Variants in TBC1D5 observed in about 807,000 individuals in gnomAD.
TBC1D5 encodes the protein TBC1 domain family member 5.
In TBC1D5, 75 loss-of-function variants were observed where a neutral mutation model predicts 100.3. That is an observed-to-expected ratio of 0.75 (90% CI 0.62 to 0.91). The LOEUF (loss-of-function observed/expected upper bound fraction) is 0.91, where lower values mean the gene tolerates loss of function less well. Among genes scored for constraint, TBC1D5 ranks in the 40% least tolerant of loss-of-function variants. TBC1D5 has a pLI of 0.00. For synonymous variants in TBC1D5, 323 were observed against 325.6 expected, an observed-to-expected ratio of 0.99 and a Z score of 0.09; for missense variants, 910 against 942.4, an observed-to-expected ratio of 0.97 and a Z score of 0.45.
chr3:17,219,864 T>G (rs952092104), intron 17 of TBC1D5, among the ~76,000 whole-genome samples: 1 of 152,070 alleles, frequency 6.6e-6, no homozygotes, highest in African/African-American at 2.4e-5. Flanking sequence ...AAAAGTTTAT[T>G]TTGATCATTT....
chr3:17,541,912 T>C (rs2096361578), intron 2 of TBC1D5, among the ~76,000 whole-genome samples: 1 of 152,198 alleles, frequency 6.6e-6, no homozygotes, highest in African/African-American at 2.4e-5. Context: ...CTATGGTTTT[T>C]CCTATATGTA....
chr3:17,418,962 G>C (rs2094147307), intron 4 of TBC1D5, among the ~76,000 whole-genome samples: 1 of 152,188 alleles, frequency 6.6e-6, no homozygotes, highest in Non-Finnish European at 1.5e-5. Context: ...CAGAGGGGCT[G>C]ATTTTTCCTA....
upstream of TBC1D5, among the ~76,000 whole-genome samples, chr3:17,741,922 G>A (rs1427594456): frequency 6.8e-6 from 1 of 146,368 alleles, no homozygotes; most frequent in African/African-American, 2.5e-5. Context: ...CAAAAGTGAA[G>A]TCAAGGCTTC....
chr3:17,440,681 A>G (rs1424745231), intron 3 of TBC1D5, among the ~76,000 whole-genome samples: 6 of 152,018 alleles, frequency 3.9e-5, no homozygotes, highest in Non-Finnish European at 7.4e-5. Context: ...TCACTCTGTC[A>G]CCCAGGCTGG....
intron 13 of TBC1D5, among the ~76,000 whole-genome samples, chr3:17,326,230 G>C (rs764776783): frequency 3.9e-5 from 6 of 152,286 alleles, no homozygotes; most frequent in Non-Finnish European, 7.3e-5. Context: ...GAGCAAAACT[G>C]TGTTCCATCC....
chr3:17,660,958 T>A (rs1342597371), intron 1 of TBC1D5, among the ~76,000 whole-genome samples: 1 of 152,214 alleles, frequency 6.6e-6, no homozygotes, highest in Non-Finnish European at 1.5e-5. Flanking sequence ...TTTAGAAGGC[T>A]AACGTAAGCT....
chr3:17,714,989 G>C (rs1350902148), intron 1 of TBC1D5, among the ~76,000 whole-genome samples: 1 of 152,142 alleles, frequency 6.6e-6, no homozygotes, highest in Non-Finnish European at 1.5e-5. Flanking sequence ...AGACTTAAAT[G>C]TGCAAAGGAA....
chr3:17,502,263 T>C (rs1176760637), intron 3 of TBC1D5, among the ~76,000 whole-genome samples: 1 of 149,874 alleles, frequency 6.7e-6, no homozygotes, highest in Non-Finnish European at 1.5e-5. Flanking sequence ...TGCTGGCGTA[T>C]GGATTCTTCA....
intron 13 of TBC1D5, among the ~76,000 whole-genome samples, chr3:17,322,156 T>C (rs548450426): frequency 8.8e-4 from 134 of 152,360 alleles, no homozygotes; most frequent in African/African-American, 3.1e-3. Flanking sequence ...TAACTATGAA[T>C]TGTTCTAATT....
At chr3:17,423,315 T>C (rs1379175172) in intron 4 of TBC1D5, among the ~76,000 whole-genome samples, 1 of 152,156 alleles carries the variant, frequency 6.6e-6, no homozygotes, top group Non-Finnish European at 1.5e-5. Flanking sequence ...ATGACTGTTT[T>C]ATTTAAAAAA....
Position 17,376,508 on chromosome 3 carries a change from T to G in TBC1D5, c.701+17A>C. ...GGCTAAAAAACAAATGGAGCTCATA[T>G]TAAAAAAAAAACTTGCCTGGGCTGT... is the stretch of plus-strand genomic sequence containing the variant. On this transcript the variant is annotated intron_variant, in intron 10 of 21. Coordinates refer to ENST00000253692, the Ensembl canonical transcript of TBC1D5. The G allele has an allele frequency of 6.3e-7, 1 of 1,582,370 alleles. No homozygotes were observed. Among genetic ancestry groups the G allele is most frequent in the Non-Finnish European group, 8.5e-7 (1 of 1,170,490 alleles).
intron 1 of TBC1D5, among the ~76,000 whole-genome samples, chr3:17,736,348 G>C (rs1401949336): frequency 6.6e-6 from 1 of 152,128 alleles, no homozygotes; most frequent in African/African-American, 2.4e-5. Flanking sequence ...AGGATAAAGA[G>C]ACTTAAATTA....
Position 17,262,638 on chromosome 3 carries a change from C to T in TBC1D5, c.1246-4047G>A, listed in dbSNP as rs1404898685. Reference sequence around the variant, plus strand: ...CTGGGACTACAAGCGCCCGCCACTACGCCCAGCTAATTTTTTGTATTTTTA... The same window carrying T: ...CTGGGACTACAAGCGCCCGCCACTATGCCCAGCTAATTTTTTGTATTTTTA... On this transcript the variant is annotated intron_variant, in intron 15 of 21. Transcript: ENST00000253692. 5.3e-5 allele frequency among the ~76,000 whole-genome samples: 8 copies of T among 151,684 alleles called. 1 individual carries two copies. Among genetic ancestry groups the T allele is most frequent in the Admixed American group, 4.6e-4 (7 of 15,246 alleles).
intron 16 of TBC1D5, among the ~76,000 whole-genome samples, chr3:17,248,653 A>T (rs1022568239): frequency 5.9e-5 from 9 of 152,198 alleles, no homozygotes; most frequent in African/African-American, 1.9e-4. Flanking sequence ...CTCTTGGGTG[A>T]CCAGGTGCAT....
chr3:17,719,519 T>A (rs907040050), intron 1 of TBC1D5, among the ~76,000 whole-genome samples: 2 of 152,182 alleles, frequency 1.3e-5, no homozygotes, highest in African/African-American at 2.4e-5. Flanking sequence ...GACATGATTA[T>A]CCACAAAAAT....
At chr3:17,265,414 C>G (rs2078747042) in intron 15 of TBC1D5, among the ~76,000 whole-genome samples, 1 of 151,822 alleles carries the variant, frequency 6.6e-6, no homozygotes, top group African/African-American at 2.4e-5. Context: ...TGCTAGATTA[C>G]AAAAGGGGAA....
exon 13 of TBC1D5, chr3:17,372,127 C>G: frequency 6.2e-7 from 1 of 1,613,702 alleles, no homozygotes; most frequent in South Asian, 1.1e-5. Context: ...ATGTAAAGCT[C>G]AATATCATGC....
At position 17,620,502 on chromosome 3, in the gene TBC1D5, T is replaced by C. The variant is rs75209767; in HGVS notation, c.-36+3347A>G. 5.6e-4 allele frequency among the ~76,000 whole-genome samples: 85 copies of C among 152,264 alleles called. 2 individuals carry two copies. The East Asian group carries it at 0.013, about 24-fold the overall frequency. ...TGAGGAAAATCTCTACAAACTTATA[T>C]GAGGTAATTTCCAAGAGATACTGAT... On this transcript the variant is annotated intron_variant, in intron 2 of 21. Transcript: ENST00000253692.
At position 17,613,550 on chromosome 3, in the gene TBC1D5, G is replaced by C. The variant is rs545634689; in HGVS notation, c.-36+10299C>G. Among the ~76,000 whole-genome samples the C allele has an allele frequency of 8.5e-5, 13 of 152,288 alleles. No homozygotes were observed. The South Asian group carries it at 2.7e-3, about 32-fold the overall frequency. On this transcript the variant is annotated intron_variant, in intron 2 of 21. Coordinates refer to ENST00000253692, the Ensembl canonical transcript of TBC1D5. ...CTCCACATCCTCTCCAGCATCTGTTGTTTCCTGACTTTTTAATGATCGCCA... is the reference window on the plus strand; with the variant it reads ...CTCCACATCCTCTCCAGCATCTGTTCTTTCCTGACTTTTTAATGATCGCCA...
Sources: allele counts gnomAD v4.1 joint callset (sites outside exome capture counted in the v4.1 genomes callset), GRCh38; gene constraint gnomAD v4.1.1; transcripts MANE v1.5; gene names NCBI Gene and HGNC (gene_info 2026-07-23, HGNC 2026-07-21).